Variants in KCNQ1 observed in about 807,000 individuals in gnomAD.
KCNQ1 encodes the protein potassium voltage-gated channel subfamily Q member 1, also known as potassium voltage-gated channel subfamily KQT member 1.
In KCNQ1, 49 loss-of-function variants were observed where a neutral mutation model predicts 72.4. The observed-to-expected ratio is 0.68, with a 90% CI of 0.54 to 0.86. The LOEUF is 0.86. KCNQ1 is among the 40% of genes least tolerant of loss of function. The pLI is 0.00. For synonymous variants in KCNQ1, 450 were observed against 412.6 expected (o/e 1.09, Z -1.10); for missense variants, 790 against 945.1 (o/e 0.84, Z 2.15).
chr11:2,604,548 T>C (rs1336039161), intron 10 of KCNQ1, among the ~76,000 whole-genome samples: 1 of 151,384 alleles, frequency 6.6e-6, no homozygotes, highest in Non-Finnish European at 1.5e-5. Flanking sequence ...AGTCAAATGA[T>C]CACTATCTTT....
chr11:2,840,858 C>T (rs1848194590), intron 15 of KCNQ1, among the ~76,000 whole-genome samples: 1 of 152,132 alleles, frequency 6.6e-6, no homozygotes. Flanking sequence ...GGCTTCTACC[C>T]CCTCACTCCA....
Position 2,593,888 on chromosome 11 carries a change from G to C in KCNQ1, c.1393+5034G>C, listed in dbSNP as rs75562641. Among the ~76,000 whole-genome samples the C allele has an allele frequency of 7.1e-3, 1,084 of 152,280 alleles. 9 individuals carry two copies. The highest frequency in any genetic ancestry group is 0.024 in the African/African-American group (998 of 41,566). Reference sequence around the variant, plus strand: ...GGATTAAATCCTGAATGCTTTGCCAGTTGAGATCAAAAGTCACCCCAACTC... The same window carrying C: ...GGATTAAATCCTGAATGCTTTGCCACTTGAGATCAAAAGTCACCCCAACTC... On this transcript the variant is annotated intron_variant, in intron 10 of 15. Transcript: ENST00000155840. This position sits in a 1 kb window ranked among gnomAD's most constrained non-coding sequence, Gnocchi z 6.9.
At chr11:2,552,916 C>T (rs1366574966) in intron 2 of KCNQ1, among the ~76,000 whole-genome samples, 1 of 152,258 alleles carries the variant, frequency 6.6e-6, no homozygotes, top group Non-Finnish European at 1.5e-5. Context: ...TATTTTTCAA[C>T]ACCACTCATC....
chr11:2,462,066 A>C lies in KCNQ1; in HGVS notation c.386+16582A>C. 3.3e-6 allele frequency: 1 copy of C among 303,136 alleles called. No homozygotes were observed. The highest frequency in any genetic ancestry group is 3.0e-5 in the South Asian group (1 of 33,542). The allele number at this position is 303,136 out of a possible 1,614,324, so 18.8% of individuals were successfully genotyped here. On this transcript the variant is annotated intron_variant, in intron 1 of 15. Coordinates refer to ENST00000155840, the MANE Select transcript of KCNQ1 (RefSeq NM_000218.3). This position sits in a 1 kb window ranked among gnomAD's most constrained non-coding sequence, Gnocchi z 8.2. Reference sequence around the variant, plus strand: ...ATCCCAGCAGCTGTCCAGAGATGAGACCCAGCCCCACTGTGTCTTTCTGGG... The same window carrying C: ...ATCCCAGCAGCTGTCCAGAGATGAGCCCCAGCCCCACTGTGTCTTTCTGGG...
chr11:2,483,246 C>T lies in KCNQ1; in HGVS notation c.386+37762C>T, dbSNP rs143498980. ...GAGGGTTAAGATCCTGAGAGCAATG[C>T]GGGGGGTGTGAGTGATGAGGGACAA... On this transcript the variant is annotated intron_variant, in intron 1 of 15. Transcript: ENST00000155840. The surrounding 1 kb of genome is among the most constrained non-coding windows in gnomAD (Gnocchi z 6.1). Among the ~76,000 whole-genome samples, 3 of 152,020 alleles carry T rather than the reference C, an allele frequency of 2.0e-5. No individual in the cohort carries two copies. Among genetic ancestry groups the T allele is most frequent in the Non-Finnish European group, 4.4e-5 (3 of 68,004 alleles).
chr11:2,517,402 G>T (rs1008199614), intron 1 of KCNQ1, among the ~76,000 whole-genome samples: 1 of 152,190 alleles, frequency 6.6e-6, no homozygotes, highest in Non-Finnish European at 1.5e-5. Flanking sequence ...ACCGAAGGGG[G>T]CTCAGGGCTG....
At position 2,676,992 on chromosome 11, in the gene KCNQ1, G is replaced by C. The variant is rs1850305245; in HGVS notation, c.1514+14911G>C. ...TCTCCTTTTCATTAACAGCTGCAGA[G>C]TTTCATTGTGCCATGATTTATGGAA... On this transcript the variant is annotated intron_variant, in intron 11 of 15. Transcript: ENST00000155840. The surrounding 1 kb of genome is among the most constrained non-coding windows in gnomAD (Gnocchi z 4.2). The C allele has an allele frequency of 2.5e-6, 1 of 398,510 alleles. No individual in the cohort carries two copies. The highest frequency in any genetic ancestry group is 4.4e-5 in the Admixed American group (1 of 22,720). The allele number at this position is 398,510 out of a possible 1,614,324, so 24.7% of individuals were successfully genotyped here.
intron 15 of KCNQ1, among the ~76,000 whole-genome samples, chr11:2,806,697 C>A (rs1847380415): frequency 6.6e-6 from 1 of 152,246 alleles, no homozygotes; most frequent in South Asian, 2.1e-4. Context: ...CCGTGGGCAT[C>A]ATCAGAGGCT....
chr11:2,456,762 A>T (rs1336302395), intron 1 of KCNQ1, among the ~76,000 whole-genome samples: 161 of 105,068 alleles, frequency 1.5e-3, no homozygotes, highest in Non-Finnish European at 2.2e-3. Flanking sequence ...TCTACTAAAA[A>T]TCCAAAAAAA....
chr11:2,793,114 C>T (rs887570674), intron 15 of KCNQ1, among the ~76,000 whole-genome samples: 1 of 152,230 alleles, frequency 6.6e-6, no homozygotes, highest in African/African-American at 2.4e-5. Context: ...CTCATGCTAC[C>T]TGGCCACCCA....
chr11:2,493,446 A>G lies in KCNQ1; in HGVS notation c.387-34482A>G, dbSNP rs1481344853. Among the ~76,000 whole-genome samples, 1 of 152,050 alleles carries G rather than the reference A, an allele frequency of 6.6e-6. No homozygotes were observed. Among genetic ancestry groups the G allele is most frequent in the Non-Finnish European group, 1.5e-5 (1 of 68,004 alleles). On this transcript the variant is annotated intron_variant, in intron 1 of 15. Transcript: ENST00000155840. This position sits in a 1 kb window ranked among gnomAD's most constrained non-coding sequence, Gnocchi z 5.3. ...TGCCCATGCCTATGTCCTGAATGGT[A>G]TTGCCTGGGTATTCTTCTAGGGTTT... is the stretch of plus-strand genomic sequence containing the variant.
rs1846423942 is a variant in KCNQ1 at position 2,762,715 on chromosome 11, C to T, written c.1515-6129C>T. Among the ~76,000 whole-genome samples the T allele has an allele frequency of 6.6e-6, 1 of 152,238 alleles. No individual in the cohort carries two copies. Among genetic ancestry groups the T allele is most frequent in the East Asian group, 1.9e-4 (1 of 5,200 alleles). On this transcript the variant is annotated intron_variant, in intron 11 of 15. Coordinates refer to ENST00000155840, the MANE Select transcript of KCNQ1 (RefSeq NM_000218.3). This position sits in a 1 kb window ranked among gnomAD's most constrained non-coding sequence, Gnocchi z 4.3. ...GAGCGCGAACCCTGTTGTGAATGCA[C>T]ATGTGAGGGGTCTAGGCTGTGTACT...
rs1248136309 is a variant in KCNQ1, at chr11:2,473,613, C to T, written c.386+28129C>T. Among the ~76,000 whole-genome samples, 3 of 152,138 alleles carry T rather than the reference C, an allele frequency of 2.0e-5. No individual in the cohort carries two copies. Among genetic ancestry groups the T allele is most frequent in the African/African-American group, 4.8e-5 (2 of 41,420 alleles). ...GGCTTGTAGAGCGAGGGTGTGCGGC[C>T]GGCATCATCCTCAGGGAACTCTGGA... On this transcript the variant is annotated intron_variant, in intron 1 of 15. Coordinates refer to ENST00000155840, the MANE Select transcript of KCNQ1 (RefSeq NM_000218.3). The surrounding 1 kb of genome is among the most constrained non-coding windows in gnomAD (Gnocchi z 6.0).
At chr11:2,760,097 G>C (rs1006262033) in intron 11 of KCNQ1, among the ~76,000 whole-genome samples, 1 of 152,180 alleles carries the variant, frequency 6.6e-6, no homozygotes, top group Non-Finnish European at 1.5e-5. Flanking sequence ...TGAATGTGGC[G>C]CTGGCCCCTT....
chr11:2,456,392 C>T (rs974815175), intron 1 of KCNQ1, among the ~76,000 whole-genome samples: 1 of 151,888 alleles, frequency 6.6e-6, no homozygotes, highest in African/African-American at 2.4e-5. Context: ...CAATATTGGC[C>T]TTGGCAAATA....
At chr11:2,780,229 A>G (rs1846798255) in intron 15 of KCNQ1, among the ~76,000 whole-genome samples, 1 of 152,120 alleles carries the variant, frequency 6.6e-6, no homozygotes, top group Admixed American at 6.5e-5. Flanking sequence ...TTGCCCTGCC[A>G]CTGACTGGTG....
Position 2,690,080 on chromosome 11 carries a change from G to C in KCNQ1, c.1514+27999G>C, listed in dbSNP as rs1850563166. The C allele has an allele frequency of 2.5e-6, 1 of 398,778 alleles. No individual in the cohort carries two copies. Among genetic ancestry groups the C allele is most frequent in the South Asian group, 1.3e-4 (1 of 7,872 alleles). 24.7% of individuals were successfully genotyped at this position (398,778 alleles called of 1,614,324 possible). ...TAGCCTGCTTCTGTCTGGGCTGAAG[G>C]CACAGCAGGGACAATCGCTCTTCCG... On this transcript the variant is annotated intron_variant, in intron 11 of 15. Coordinates refer to ENST00000155840, the MANE Select transcript of KCNQ1 (RefSeq NM_000218.3). The surrounding 1 kb of genome is among the most constrained non-coding windows in gnomAD (Gnocchi z 5.1).
At chr11:2,802,234 T>G (rs1847283407) in intron 15 of KCNQ1, among the ~76,000 whole-genome samples, 1 of 152,208 alleles carries the variant, frequency 6.6e-6, no homozygotes, top group Admixed American at 6.5e-5. Context: ...GTCTGTGAGC[T>G]GTCGCCTCTG....
intron 2 of KCNQ1, among the ~76,000 whole-genome samples, chr11:2,533,646 G>A (rs1434954457): frequency 1.3e-5 from 2 of 152,258 alleles, no homozygotes; most frequent in Non-Finnish European, 2.9e-5. Context: ...TGTCTGACGT[G>A]TGTGTGCTTT....
Sources: allele counts gnomAD v4.1 joint callset (sites outside exome capture counted in the v4.1 genomes callset), GRCh38; gene constraint gnomAD v4.1.1; non-coding constraint Gnocchi (gnomAD v3.1); transcripts MANE v1.5; gene names NCBI Gene and HGNC (gene_info 2026-07-23, HGNC 2026-07-21).